The following FPGS variants were observed in gnomAD, a reference collection of about 807,000 sequenced individuals.
The protein encoded by FPGS is folylpolyglutamate synthase, mitochondrial.
In FPGS, 53 loss-of-function variants were observed where a neutral mutation model predicts 66.5. That is an observed-to-expected ratio of 0.80 (90% confidence interval 0.64 to 1.00). The LOEUF (loss-of-function observed/expected upper bound fraction) is 1.00. Among genes scored for constraint, FPGS ranks in the 50% least tolerant of loss-of-function variants. The pLI is 0.00. For missense variants in FPGS, 702 were observed against 807.7 expected (o/e 0.87, Z 1.59); for synonymous variants, 348 against 350.9 (o/e 0.99, Z 0.09).
chr9:127,813,248 C>T lies in FPGS; in HGVS notation c.1408C>T (p.His470Tyr), dbSNP rs764062248. 3.1e-6 allele frequency: 5 copies of T among 1,610,782 alleles called. No homozygotes were observed. In the South Asian group the frequency reaches 4.4e-5, roughly 14 times the overall value. Residue 470 changes from histidine (H) to tyrosine (Y), a missense_variant, in exon 15 of 15, where the codon CAC becomes TAC. Transcript: ENST00000373247. ...LDQVLLRCLE[H>Y]QQHWNHLDEE... ...CCAGGTCCTGCTCCGCTGCCTGGAA[C>T]ACCAGCAGCACTGGAACCACCTGGA... is the stretch of plus-strand genomic sequence containing the variant.
intron 4 of FPGS, among the ~76,000 whole-genome samples, chr9:127,805,401 T>C (rs1829769731): frequency 1.3e-5 from 2 of 150,050 alleles, no homozygotes; most frequent in Admixed American, 1.3e-4. Flanking sequence ...CAGAGCAAAC[T>C]GCTATCTTAA....
chr9:127,813,859 C>T lies in FPGS; in HGVS notation c.*255C>T, dbSNP rs1830199441. Reference sequence around the variant, plus strand: ...TGTTGCAGTGGCCTGGCCGTTCAGCCTGTCTCCCCCAACACCCCGCCTGCC... The same window carrying T: ...TGTTGCAGTGGCCTGGCCGTTCAGCTTGTCTCCCCCAACACCCCGCCTGCC... On this transcript the variant is annotated 3_prime_UTR_variant, in exon 15 of 15. Coordinates refer to ENST00000373247, the MANE Select transcript of FPGS (RefSeq NM_004957.6). The T allele has an allele frequency of 6.8e-5, 83 of 1,227,928 alleles. No individual in the cohort carries two copies. The highest frequency in any genetic ancestry group is 8.3e-5 in the Non-Finnish European group (82 of 985,812). 76.1% of individuals were successfully genotyped at this position (1,227,928 alleles called of 1,614,324 possible). A position where few individuals can be genotyped will look rare whatever the true frequency, so the allele number is the denominator to read the frequency against.
chr9:127,808,535 C>T (rs770023397), intron 9 of FPGS, 23 bp from the exon 10 acceptor site: 1 of 1,611,400 alleles, frequency 6.2e-7, no homozygotes, highest in African/African-American at 1.3e-5. Flanking sequence ...CTCTGCTGAC[C>T]CGCTCCTGCC....
At chr9:127,803,479 A>G (rs1829688993) in intron 1 of FPGS, 2 of 925,070 alleles carry the variant, frequency 2.2e-6, no homozygotes, top group Non-Finnish European at 2.6e-6. Flanking sequence ...TCCAGGATTC[A>G]GAAGATTGGG....
chr9:127,809,912 TCGTGGGGAAGGGCG>T, intron 12 of FPGS, 78 bp downstream of exon 12: 3 of 323,762 alleles, frequency 9.3e-6, no homozygotes, highest in Non-Finnish European at 1.5e-5. Flanking sequence ...CGGGGCGGGG[TCGTGGGGAAGGGCG>T]GGGGCGGGCC....
intron 11 of FPGS, 57 bp downstream of exon 11, chr9:127,808,946 A>C (rs76528788): frequency 2.3e-6 from 2 of 887,786 alleles, no homozygotes; most frequent in Non-Finnish European, 1.6e-6. Flanking sequence ...GCCCCTTCAG[A>C]TTTTTTTTTT....
rs376937555 is a variant in FPGS at position 127,808,690 on chromosome 9, C to T, written c.955C>T (p.Arg319Trp). 8.2e-6 allele frequency: 13 copies of T among 1,588,544 alleles called. No individual in the cohort carries two copies. Among genetic ancestry groups the T allele is most frequent in the Non-Finnish European group, 1.1e-5 (13 of 1,168,062 alleles). Residue 319 changes from arginine (R) to tryptophan (W), a missense_variant, in exon 10 of 15, where the codon CGG (arginine) becomes TGG (tryptophan). Arg to Trp is a moderately radical substitution (Grantham distance 101). Around this residue, in one of 3 missense-constraint regions of FPGS, gnomAD observed 240 missense variants for 348.6 expected, o/e 0.69. Coordinates refer to ENST00000373247, the MANE Select transcript of FPGS (RefSeq NM_004957.6). The stretch of plus-strand genomic sequence containing the variant: ...GCAGCTGGCCCACTGCTGGCTGCAG[C>T]GGCAGGACCGCCATGGTGAGTGGGC... ...ALQLAHCWLQ[R>W]QDRHGAGEPK...
Position 127,807,992 on chromosome 9 carries a change from G to T in FPGS, c.745-242G>T. 1 of 575,144 alleles carries T rather than the reference G, an allele frequency of 1.7e-6. No individual in the cohort carries two copies. Among genetic ancestry groups the T allele is most frequent in the Non-Finnish European group, 3.1e-6 (1 of 324,124 alleles). 35.6% of individuals were successfully genotyped at this position (575,144 alleles called of 1,614,324 possible). On this transcript the variant is annotated intron_variant, in intron 8 of 14. Transcript: ENST00000373247. The surrounding 1 kb of genome is among the most constrained non-coding windows in gnomAD (Gnocchi z 5.8). ...GTGGTGGTGTACGCCTGTAGTTCCAGCTACTTGGGAGACTGAGGCAGGAGA... is the reference window on the plus strand; with the variant it reads ...GTGGTGGTGTACGCCTGTAGTTCCATCTACTTGGGAGACTGAGGCAGGAGA...
At position 127,812,648 on chromosome 9, in the gene FPGS, C is replaced by T. The variant is rs557240162; in HGVS notation, c.1355-547C>T. ...TTCCAAGTATAGCTGGGATTATAGG[C>T]GTGTGCCACCACACCTGGCTAATTT... On this transcript the variant is annotated intron_variant, in intron 14 of 14. Transcript: ENST00000373247. Among the ~76,000 whole-genome samples the T allele has an allele frequency of 4.5e-4, 68 of 152,146 alleles. No individual in the cohort carries two copies. The Middle Eastern group carries it at 0.01, about 23-fold the overall frequency.
At chr9:127,806,819 G>C in intron 4 of FPGS, 154 bp from the exon 5 acceptor site, 1 of 630,106 alleles carries the variant, frequency 1.6e-6, no homozygotes, top group Non-Finnish European at 2.8e-6. Flanking sequence ...AGGACTGGGG[G>C]GCTACAGATA....
rs761548674 is a variant in FPGS at position 127,807,092 on chromosome 9, C to T, written c.501+5C>T. On this transcript the variant is annotated splice_donor_5th_base_variant and intron_variant, in intron 5 of 14. Transcript: ENST00000373247. The surrounding 1 kb of genome is among the most constrained non-coding windows in gnomAD (Gnocchi z 5.8). ...CACCGGCTGGAGGAGACCAAGGTGC[C>T]GCATGCAGGAGGGCTGGCGGGTGGG... 3.2e-5 allele frequency: 51 copies of T among 1,613,270 alleles called. 1 individual carries two copies. The Admixed American group carries it at 4.0e-4, about 13-fold the overall frequency.
intron 11 of FPGS, among the ~76,000 whole-genome samples, 163 bp from the exon 12 acceptor site, chr9:127,809,521 C>G (rs2131853463): frequency 6.6e-6 from 1 of 152,300 alleles, no homozygotes; most frequent in South Asian, 2.1e-4. Context: ...CCGAAAAGCC[C>G]AAGCCATTGA....
rs1829722751 is a variant in FPGS, at chr9:127,804,314, G to T, written c.168G>T (p.Gln56His). 1 of 1,614,182 alleles carries T rather than the reference G, an allele frequency of 6.2e-7. No homozygotes were observed. Among genetic ancestry groups the T allele is most frequent in the South Asian group, 1.1e-5 (1 of 91,060 alleles). ...QDAVRMLNTL[Q>H]TNAGYLEQVK... is the part of the protein sequence containing the mutation. Reference sequence around the variant, plus strand: ...CCGTGCGCATGCTCAATACCCTGCAGACCAATGCCGGCTACCTGGAGCAGG... The same window carrying T: ...CCGTGCGCATGCTCAATACCCTGCATACCAATGCCGGCTACCTGGAGCAGG... Residue 56 changes from glutamine to histidine, a missense_variant, in exon 2 of 15, where the codon CAG becomes CAT. This residue lies in a region of FPGS where 240 missense variants were observed against 348.6 expected (regional missense o/e 0.69). Transcript: ENST00000373247.
intron 13 of FPGS, among the ~76,000 whole-genome samples, chr9:127,810,695 C>T (rs1337927826): frequency 6.6e-6 from 1 of 152,172 alleles, no homozygotes; most frequent in Non-Finnish European, 1.5e-5. Flanking sequence ...CAGCAAGTCC[C>T]CTTGCCCTGT....
chr9:127,806,105 A>G (rs956512943), intron 4 of FPGS, among the ~76,000 whole-genome samples: 13 of 152,140 alleles, frequency 8.5e-5, no homozygotes, highest in African/African-American at 2.9e-4. Context: ...GTGGTGGCTC[A>G]TGCCTGTAAT....
chr9:127,809,042 C>T (rs1322824398), intron 11 of FPGS, among the ~76,000 whole-genome samples, 153 bp downstream of exon 11: 1 of 151,768 alleles, frequency 6.6e-6, no homozygotes, highest in Non-Finnish European at 1.5e-5. Context: ...GCAAACCTCC[C>T]TGACCTTGAG....
chr9:127,804,531 C>A lies in FPGS; in HGVS notation c.300C>A (p.His100Gln). The A allele has an allele frequency of 1.9e-6, 3 of 1,614,162 alleles. No individual in the cohort carries two copies. The highest frequency in any genetic ancestry group is 2.5e-6 in the Non-Finnish European group (3 of 1,180,020). ...VEDLDRLNII[H>Q]VTGTKGKGST... ...ACTTGGACCGGCTGAACATCATCCA[C>A]GTCACTGGGACGAAGGGGAAGGTGA... Residue 100 changes from histidine (H) to glutamine (Q), a missense_variant, in exon 3 of 15, where the codon CAC (histidine) becomes CAA (glutamine). This residue lies in a region of FPGS where 240 missense variants were observed against 348.6 expected (regional missense o/e 0.69). Transcript: ENST00000373247.
rs756655583 is a variant in FPGS at position 127,807,673 on chromosome 9, A to G, written c.729A>G (p.Lys243=). The change falls in exon 8 of 15, where the codon AAA becomes AAG. Residue 243 remains lysine, a synonymous_variant. Transcript: ENST00000373247. The surrounding 1 kb of genome is among the most constrained non-coding windows in gnomAD (Gnocchi z 5.8). ...CGGTGGAGAAGATCGCATGGCAGAA[A>G]GGGGGCATCTTTAAGGTGACCAGGC... ...GDTVEKIAWQ[K]GGIFKQGVPA... 6.3e-7 allele frequency: 1 copy of G among 1,591,086 alleles called. No homozygotes were observed. The highest frequency in any genetic ancestry group is 2.0e-5 in the Admixed American group (1 of 51,276).
rs758294430 is a variant in FPGS at position 127,813,976 on chromosome 9, C to T, written c.*372C>T. On this transcript the variant is annotated 3_prime_UTR_variant, in exon 15 of 15. Coordinates refer to ENST00000373247, the MANE Select transcript of FPGS (RefSeq NM_004957.6). The stretch of plus-strand genomic sequence containing the variant: ...GTGGTAGATTTCCTCCTCCCAGTGC[C>T]TTCTGGGAAGGGAGAGGGCCTCTGC... 148 of 1,061,310 alleles carry T rather than the reference C, an allele frequency of 1.4e-4. 1 individual carries two copies. Among genetic ancestry groups the T allele is most frequent in the Non-Finnish European group, 1.6e-4 (144 of 880,032 alleles). The allele number at this position is 1,061,310 out of a possible 1,614,324, so 65.7% of individuals were successfully genotyped here. A position where few individuals can be genotyped will look rare whatever the true frequency, so the allele number is the denominator to read the frequency against.
Sources: gnomAD v4.1 joint callset for allele counts (sites outside exome capture counted in the v4.1 genomes callset) on GRCh38, gnomAD v4.1.1 for gene constraint, gnomAD v4.1.1 regional missense constraint, Gnocchi (gnomAD v3.1) non-coding constraint, MANE v1.5 for transcripts, NCBI Gene and HGNC (gene_info 2026-07-23, HGNC 2026-07-21) for gene names.